ALG14: variants seen among roughly 807,000 people sequenced by gnomAD.
ALG14 encodes UDP-N-acetylglucosamine transferase subunit ALG14.
ALG14 carries 17 observed loss-of-function variants against 22.8 expected under a neutral mutation model. That is an observed-to-expected ratio of 0.75 (90% CI 0.51 to 1.12). The LOEUF is 1.12. ALG14 is among the 50% of genes most tolerant of loss of function. ALG14 has a pLI of 0.00. For synonymous variants in ALG14, 89 were observed against 103.7 expected (o/e 0.86, Z 0.86); for missense variants, 288 against 271.8 (o/e 1.06, Z -0.42).
At chr1:94,987,814 G>A (rs530002437) in intron 3 of ALG14, among the ~76,000 whole-genome samples, 3 of 152,296 alleles carry the variant, frequency 2.0e-5, no homozygotes, top group South Asian at 4.1e-4. Context: ...CAGAGATCAC[G>A]GAGTTGAGGG....
chr1:95,013,303 G>T (rs1673418975), intron 3 of ALG14, among the ~76,000 whole-genome samples: 1 of 151,646 alleles, frequency 6.6e-6, no homozygotes, highest in African/African-American at 2.4e-5. Context: ...CATCTCTTTT[G>T]ATGGAAATAA....
intron 3 of ALG14, among the ~76,000 whole-genome samples, chr1:94,988,607 T>C (rs973644426): frequency 2.6e-5 from 4 of 152,132 alleles, no homozygotes; most frequent in African/African-American, 9.7e-5. Context: ...ATGGAATGAA[T>C]GATCTACATG....
chr1:95,004,169 G>A (rs890010137), intron 3 of ALG14, among the ~76,000 whole-genome samples: 4 of 149,378 alleles, frequency 2.7e-5, no homozygotes. Context: ...ACTAAATTAT[G>A]TAGAACTGAA....
intron 2 of ALG14, among the ~76,000 whole-genome samples, chr1:95,056,059 A>G (rs182445430): frequency 6.6e-6 from 1 of 151,930 alleles, no homozygotes; most frequent in East Asian, 1.9e-4. Flanking sequence ...CTTCTGAAGG[A>G]TAAAGCTAAG....
chr1:95,060,403 C>A (rs1196683339), intron 2 of ALG14, among the ~76,000 whole-genome samples: 1 of 152,020 alleles, frequency 6.6e-6, no homozygotes, highest in Non-Finnish European at 1.5e-5. Context: ...TTCGAAAATA[C>A]AAAATAATGG....
intron 3 of ALG14, among the ~76,000 whole-genome samples, chr1:95,013,115 TAAAA>T (rs568022540): frequency 7.4e-6 from 1 of 135,066 alleles, no homozygotes; most frequent in Non-Finnish European, 1.6e-5. Context: ...CTGTCTCAAT[TAAAA>T]AAAAAAAAAA....
chr1:95,008,473 CT>C (rs1434654302), intron 3 of ALG14, among the ~76,000 whole-genome samples: 3 of 151,904 alleles, frequency 2.0e-5, no homozygotes, highest in African/African-American at 7.3e-5. Flanking sequence ...TAAGATGAAA[CT>C]TTTTCAAATT....
At chr1:95,071,436 C>G (rs145812757) in intron 1 of ALG14, among the ~76,000 whole-genome samples, 2 of 151,880 alleles carry the variant, frequency 1.3e-5, no homozygotes, top group African/African-American at 4.8e-5. Context: ...CCCAGCTACT[C>G]GGGAGGCTGA....
rs537374570 is a variant in ALG14 at position 94,987,601 on chromosome 1, C to G, written c.421-4295G>C. On this transcript the variant is annotated intron_variant, in intron 3 of 3. Transcript: ENST00000370205. ...GTTGTTCTGTAGATTTGGGTCACCACAGGTCAAGTCCCATTGGCTGAAACA... is the reference window on the plus strand; with the variant it reads ...GTTGTTCTGTAGATTTGGGTCACCAGAGGTCAAGTCCCATTGGCTGAAACA... Among the ~76,000 whole-genome samples the G allele has an allele frequency of 5.9e-5, 9 of 152,294 alleles. No individual in the cohort carries two copies. In the East Asian group the frequency reaches 1.7e-3, roughly 29 times the overall value.
At chr1:95,029,898 A>G (rs1038939936) in intron 2 of ALG14, among the ~76,000 whole-genome samples, 35 of 152,216 alleles carry the variant, frequency 2.3e-4, no homozygotes, top group African/African-American at 8.2e-4. Flanking sequence ...ATCTTTTATC[A>G]AATCAATGTT....
chr1:94,989,798 A>G (rs1324168807), intron 3 of ALG14, among the ~76,000 whole-genome samples: 1 of 152,194 alleles, frequency 6.6e-6, no homozygotes, highest in Non-Finnish European at 1.5e-5. Flanking sequence ...AATAGCCTTC[A>G]CTAAATCCTT....
In ALG14 at chr1:95,032,174, TA is replaced by T. The variant is rs370935850; in HGVS notation, c.289-4915del. Among the ~76,000 whole-genome samples, 505 of 141,614 alleles carry T rather than the reference TA, an allele frequency of 3.6e-3. 1 individual carries two copies. The highest frequency in any genetic ancestry group is 0.012 in the South Asian group (54 of 4,492). 92.9% of individuals were successfully genotyped at this position (141,614 alleles called of 152,430 possible). On this transcript the variant is annotated intron_variant, in intron 2 of 3. Transcript: ENST00000370205. ...AAGAGTACTTGGTTATAGTTTGTAG[TA>T]AAAAAAAAAAAAATTTTATTGAATA...
chr1:95,057,136 T>TTA (rs1325031500), intron 2 of ALG14, among the ~76,000 whole-genome samples: 19 of 150,822 alleles, frequency 1.3e-4, no homozygotes, highest in African/African-American at 3.6e-4. Flanking sequence ...GTATACCGTT[T>TTA]TATATATATA....
intron 3 of ALG14, among the ~76,000 whole-genome samples, chr1:94,998,335 T>C (rs565593447): frequency 6.6e-6 from 1 of 152,260 alleles, no homozygotes; most frequent in South Asian, 2.1e-4. Context: ...CCTTCCCTGC[T>C]GGCCCACTAT....
At chr1:95,029,968 C>T (rs1673947374) in intron 2 of ALG14, among the ~76,000 whole-genome samples, 1 of 152,052 alleles carries the variant, frequency 6.6e-6, no homozygotes, top group South Asian at 2.1e-4. Context: ...GAGTAGTTCC[C>T]AAACTATAAA....
intron 2 of ALG14, chr1:95,061,487 G>C (rs1002143440): frequency 6.6e-6 from 1 of 152,098 alleles, no homozygotes; most frequent in Non-Finnish European, 1.5e-5. Context: ...CCTTGAGAGA[G>C]AGAGAGAGAG....
rs1553222945 is a variant in ALG14 at position 94,978,855 on chromosome 1, A to AAC, written c.*4220_*4221insGT. 2.6e-5 allele frequency: 4 copies of AAC among 151,242 alleles called. No homozygotes were observed. Among genetic ancestry groups the AAC allele is most frequent in the African/African-American group, 9.7e-5 (4 of 41,298 alleles). The allele number at this position is 151,242 out of a possible 1,614,324, so 9.4% of individuals were successfully genotyped here. A position where few individuals can be genotyped will look rare whatever the true frequency, so the allele number is the denominator to read the frequency against. ...TTTTCTTTTTTCTTTAAAAAAAAAA[A>AAC]AAAACACCTAACGTAGCTATTAAGG... On this transcript the variant is annotated 3_prime_UTR_variant, in exon 4 of 4. Transcript: ENST00000370205.
chr1:95,061,360 T>G (rs1260907005), intron 2 of ALG14, among the ~76,000 whole-genome samples: 1 of 152,180 alleles, frequency 6.6e-6, no homozygotes, highest in African/African-American at 2.4e-5. Context: ...TATAGCTGAA[T>G]GATAGCAAGC....
At chr1:95,043,889 GGA>G (rs747724175) in intron 2 of ALG14, among the ~76,000 whole-genome samples, 1 of 152,038 alleles carries the variant, frequency 6.6e-6, no homozygotes, top group Non-Finnish European at 1.5e-5. Context: ...AGGGAAGGAG[GGA>G]GAGAGAGTGC....
Sources: allele counts gnomAD v4.1 joint callset (sites outside exome capture counted in the v4.1 genomes callset), GRCh38; gene constraint gnomAD v4.1.1; transcripts MANE v1.5; gene names NCBI Gene and HGNC (gene_info 2026-07-23, HGNC 2026-07-21).